STX7: variants seen among roughly 807,000 people sequenced by gnomAD.
STX7 encodes the protein syntaxin 7.
Under a neutral mutation model 39.6 loss-of-function variants are expected in STX7, and 34 were observed. The ratio of observed to expected loss-of-function variants is 0.86; its 90% CI spans 0.65 to 1.14. The LOEUF is 1.14. STX7 is among the 50% of genes most tolerant of loss of function. The pLI is 0.00. For missense variants in STX7, 284 were observed against 310.4 expected (o/e 0.92, Z 0.64); for synonymous variants, 119 against 99.1 (o/e 1.20, Z -1.19).
At position 132,505,739 on chromosome 6, in the gene STX7, TAA is replaced by T. The variant is rs368964430; in HGVS notation, c.-58-2153_-58-2152del. 3.7e-3 allele frequency among the ~76,000 whole-genome samples: 221 copies of T among 60,408 alleles called. 1 individual carries two copies. Among genetic ancestry groups the T allele is most frequent in the African/African-American group, 0.013 (200 of 15,976 alleles). The allele number at this position is 60,408 out of a possible 152,430, so 39.6% of individuals were successfully genotyped here. On this transcript the variant is annotated intron_variant, in intron 1 of 9. Coordinates refer to ENST00000367941, the MANE Select transcript of STX7 (RefSeq NM_003569.3). ...ATTTTAAATGCATCTCCAAGTCACT[TAA>T]AAAAAAAAAAAAAAAAAAAAAAACA... is the stretch of plus-strand genomic sequence containing the variant.
chr6:132,491,933 T>C (rs1388932738), intron 2 of STX7, among the ~76,000 whole-genome samples: 3 of 152,320 alleles, frequency 2.0e-5, no homozygotes, highest in Admixed American at 1.3e-4. Flanking sequence ...ATCCAGACTC[T>C]TGCATATATC....
Position 132,497,953 on chromosome 6 carries a change from A to G in STX7, c.85+5493T>C, listed in dbSNP as rs181580120. On this transcript the variant is annotated intron_variant, in intron 2 of 9. Coordinates refer to ENST00000367941, the MANE Select transcript of STX7 (RefSeq NM_003569.3). ...GGTGATCTTCTAGACCTGTGATAAC[A>G]AACGATTTTGTTTGCCTGCCAACTC... Among the ~76,000 whole-genome samples, 226 of 152,340 alleles carry G rather than the reference A, an allele frequency of 1.5e-3. 1 individual carries two copies. Among genetic ancestry groups the G allele is most frequent in the African/African-American group, 5.3e-3 (219 of 41,582 alleles).
chr6:132,465,512 A>G (rs916826299), intron 8 of STX7, among the ~76,000 whole-genome samples: 11 of 152,068 alleles, frequency 7.2e-5, no homozygotes, highest in African/African-American at 2.4e-4. Context: ...ACCAGTACCC[A>G]TGCAGCTGAT....
intron 2 of STX7, among the ~76,000 whole-genome samples, chr6:132,483,799 C>A (rs538181490): frequency 6.6e-6 from 1 of 152,178 alleles, no homozygotes; most frequent in East Asian, 1.9e-4. Context: ...GAAAAATAAG[C>A]TTAGAGAAAG....
intron 1 of STX7, among the ~76,000 whole-genome samples, chr6:132,505,244 C>T (rs1001058083): frequency 1.3e-5 from 2 of 152,194 alleles, no homozygotes; most frequent in Non-Finnish European, 2.9e-5. Flanking sequence ...CAAGGCTATC[C>T]ATGCTTGCTA....
At position 132,446,340 on chromosome 6, in the gene STX7, T is replaced by TGC. The variant is rs1774011915; in HGVS notation, c.*14417_*14418insGC. 19 of 152,148 alleles carry TGC rather than the reference T, an allele frequency of 1.2e-4. 1 individual carries two copies. Among genetic ancestry groups the TGC allele is most frequent in the Admixed American group, 1.2e-3 (19 of 15,264 alleles). The allele number at this position is 152,148 out of a possible 1,614,324, so 9.4% of individuals were successfully genotyped here. On this transcript the variant is annotated 3_prime_UTR_variant, in exon 10 of 10. Transcript: ENST00000367941. Reference sequence around the variant, plus strand: ...CTGAAGCCTCTCTGCATCAAGATGATTGGGGTGAAAAACTGTCAATTGAAA... The same window carrying TGC: ...CTGAAGCCTCTCTGCATCAAGATGATGCTGGGGTGAAAAACTGTCAATTGAAA...
intron 2 of STX7, among the ~76,000 whole-genome samples, chr6:132,497,536 C>T (rs993319154): frequency 1.3e-5 from 2 of 152,266 alleles, no homozygotes; most frequent in South Asian, 2.1e-4. Flanking sequence ...TCAATGTATA[C>T]ATTATACTTC....
intron 4 of STX7, 78 bp downstream of exon 4, chr6:132,472,203 GT>G: frequency 9.7e-7 from 1 of 1,029,854 alleles, no homozygotes; most frequent in Non-Finnish European, 1.4e-6. Context: ...CCTTTCTAGC[GT>G]AACAGTTCAA....
At chr6:132,506,817 T>C (rs988894071) in intron 1 of STX7, among the ~76,000 whole-genome samples, 44 of 152,036 alleles carry the variant, frequency 2.9e-4, no homozygotes, top group Admixed American at 2.5e-3. Flanking sequence ...AAAACCATTA[T>C]ACCAAAAAGA....
chr6:132,510,628 T>A (rs565482552), intron 1 of STX7, among the ~76,000 whole-genome samples: 1 of 152,350 alleles, frequency 6.6e-6, no homozygotes, highest in South Asian at 2.1e-4. Flanking sequence ...TGTTCAAAAA[T>A]TCTGTGTGGC....
rs149952187 is a variant in STX7, at chr6:132,454,946, G to A, written c.*5812C>T. On this transcript the variant is annotated 3_prime_UTR_variant, in exon 10 of 10. Transcript: ENST00000367941. ...CTTTATGAGGCTGAACATTAAATCT[G>A]GCCCTGGGAAGAGGTTGGATGTGGC... 6.6e-6 allele frequency: 1 copy of A among 152,154 alleles called. No homozygotes were observed. Among genetic ancestry groups the A allele is most frequent in the African/African-American group, 2.4e-5 (1 of 41,446 alleles). The allele number at this position is 152,154 out of a possible 1,614,324, so 9.4% of individuals were successfully genotyped here.
rs555441519 is a variant in STX7 at position 132,481,717 on chromosome 6, T to C, written c.86-6055A>G. Among the ~76,000 whole-genome samples, 21 of 152,152 alleles carry C rather than the reference T, an allele frequency of 1.4e-4. No homozygotes were observed. In the South Asian group the frequency reaches 3.7e-3, roughly 27 times the overall value. On this transcript the variant is annotated intron_variant, in intron 2 of 9. Coordinates refer to ENST00000367941, the MANE Select transcript of STX7 (RefSeq NM_003569.3). Reference sequence around the variant, plus strand: ...CAAGGCCCCCTACACTTATGCAGCATACAAACTAGAAAAGGACAAAAAAAC... The same window carrying C: ...CAAGGCCCCCTACACTTATGCAGCACACAAACTAGAAAAGGACAAAAAAAC...
chr6:132,512,724 G>C (rs1023901813), intron 1 of STX7, among the ~76,000 whole-genome samples: 1 of 152,134 alleles, frequency 6.6e-6, no homozygotes, highest in South Asian at 2.1e-4. Context: ...CTGCCCAGGG[G>C]ACCGCGGCGG....
intron 2 of STX7, among the ~76,000 whole-genome samples, chr6:132,483,125 T>G (rs1033530491): frequency 2.0e-5 from 3 of 152,226 alleles, no homozygotes; most frequent in Non-Finnish European, 4.4e-5. Flanking sequence ...ACTGTCATCC[T>G]TCACTATCCC....
At chr6:132,477,773 A>ATGGCGAGGG (rs1423186001) in intron 2 of STX7, among the ~76,000 whole-genome samples, 1 of 152,164 alleles carries the variant, frequency 6.6e-6, no homozygotes, top group Non-Finnish European at 1.5e-5. Flanking sequence ...GTGTGTGTTC[A>ATGGCGAGGG]TATACACACA....
rs1774674495 is a variant in STX7, at chr6:132,470,033, T to G, written c.455A>C (p.Gln152Pro). ...LVSWESQTQPQVQVQDEEITE... is the reference protein window; with the variant it reads ...LVSWESQTQPPVQVQDEEITE... ...AATTTCTTCATCCTGCACCTGCACT[T>G]GAGGTTGAGTTTGGCTAACAGAAAA... The change falls in exon 7 of 10, where the codon CAA becomes CCA. Residue 152 changes from glutamine (Q) to proline (P), a missense_variant. By Grantham distance (76) the Gln-to-Pro change is moderately conservative. Transcript: ENST00000367941. 1 of 1,583,190 alleles carries G rather than the reference T, an allele frequency of 6.3e-7. No individual in the cohort carries two copies. Among genetic ancestry groups the G allele is most frequent in the Admixed American group, 1.9e-5 (1 of 52,134 alleles).
At chr6:132,474,143 G>A (rs1227194960) in intron 3 of STX7, among the ~76,000 whole-genome samples, 1 of 144,252 alleles carries the variant, frequency 6.9e-6, no homozygotes. Context: ...TGGGAGAATC[G>A]ATTGAGCCTA....
At chr6:132,512,451 G>T (rs1420137347) in intron 1 of STX7, among the ~76,000 whole-genome samples, 1 of 152,090 alleles carries the variant, frequency 6.6e-6, no homozygotes, top group African/African-American at 2.4e-5. Context: ...TATACTCAAA[G>T]AATGTCAAAG....
At chr6:132,478,714 A>G (rs1430256081) in intron 2 of STX7, among the ~76,000 whole-genome samples, 1 of 152,180 alleles carries the variant, frequency 6.6e-6, no homozygotes, top group Admixed American at 6.5e-5. Flanking sequence ...GTTCCTCAAA[A>G]TGTGATGGAT....
Sources: allele counts gnomAD v4.1 joint callset (sites outside exome capture counted in the v4.1 genomes callset), GRCh38; gene constraint gnomAD v4.1.1; transcripts MANE v1.5; gene names NCBI Gene and HGNC (gene_info 2026-07-23, HGNC 2026-07-21).